The following AGBL4 variants were observed in gnomAD, a reference collection of about 807,000 sequenced individuals.
AGBL4 encodes cytosolic carboxypeptidase 6.
AGBL4 carries 58 observed loss-of-function variants against 66.4 expected under a neutral mutation model. The ratio of observed to expected loss-of-function variants is 0.87; its 90% CI spans 0.71 to 1.09. AGBL4 has a LOEUF of 1.09. Ranked by LOEUF, AGBL4 falls within the 50% of genes least tolerant of loss-of-function variation. The probability of loss-of-function intolerance (pLI) is 0.00; values close to 1 mark genes in which losing one functional copy is unlikely to be tolerated. For synonymous variants in AGBL4, 234 were observed against 222.9 expected (o/e 1.05, Z -0.44); for missense variants, 579 against 631.0 (o/e 0.92, Z 0.88).
chr1:48,960,857 A>G (rs745874583), intron 5 of AGBL4, among the ~76,000 whole-genome samples: 7 of 152,240 alleles, frequency 4.6e-5, no homozygotes, highest in Non-Finnish European at 7.3e-5. Context: ...GCTATGGGTC[A>G]TATATAAAAT....
chr1:48,733,568 CAG>C (rs1460646038), intron 6 of AGBL4, among the ~76,000 whole-genome samples: 1 of 152,186 alleles, frequency 6.6e-6, no homozygotes, highest in East Asian at 1.9e-4. Context: ...CACAACTTGG[CAG>C]ATGATGCTGA....
chr1:48,792,651 G>A (rs1332432496), intron 6 of AGBL4, among the ~76,000 whole-genome samples: 3 of 152,182 alleles, frequency 2.0e-5, no homozygotes, highest in Non-Finnish European at 4.4e-5. Flanking sequence ...TTTCTAAAAA[G>A]GATAGTTGGA....
chr1:49,220,243 T>G (rs1167730275), intron 4 of AGBL4, among the ~76,000 whole-genome samples: 1 of 152,164 alleles, frequency 6.6e-6, no homozygotes, highest in East Asian at 1.9e-4. Flanking sequence ...CCCTGTTGCT[T>G]TTGCAGGTCA....
At chr1:48,907,910 G>T (rs936305971) in intron 5 of AGBL4, among the ~76,000 whole-genome samples, 9 of 152,126 alleles carry the variant, frequency 5.9e-5, no homozygotes, top group Non-Finnish European at 1.2e-4. Context: ...CCAAGAAAAG[G>T]AGGGTAAAGA....
At chr1:48,672,656 C>T (rs185509481) in intron 6 of AGBL4, among the ~76,000 whole-genome samples, 45 of 152,308 alleles carry the variant, frequency 3.0e-4, no homozygotes, top group Non-Finnish European at 3.1e-4. Context: ...CCGCTCTCAA[C>T]CTGTTTTCCA....
intron 8 of AGBL4, among the ~76,000 whole-genome samples, chr1:48,638,974 G>A (rs1300572076): frequency 6.6e-6 from 1 of 152,064 alleles, no homozygotes; most frequent in Non-Finnish European, 1.5e-5. Context: ...TACTCTAAAG[G>A]GCCCAGACTA....
At chr1:48,614,479 T>C (rs1454260293) in intron 9 of AGBL4, among the ~76,000 whole-genome samples, 1 of 152,236 alleles carries the variant, frequency 6.6e-6, no homozygotes, top group Non-Finnish European at 1.5e-5. Flanking sequence ...ATCATAGGAA[T>C]ACATCAAAGT....
At chr1:49,150,534 C>T (rs530714221) in intron 4 of AGBL4, among the ~76,000 whole-genome samples, 14 of 152,272 alleles carry the variant, frequency 9.2e-5, no homozygotes, top group South Asian at 8.3e-4. Context: ...GTGTACTTTT[C>T]ACTACTTTCA....
At chr1:48,618,176 C>G (rs1457115235) in intron 9 of AGBL4, among the ~76,000 whole-genome samples, 1 of 152,114 alleles carries the variant, frequency 6.6e-6, no homozygotes, top group East Asian at 1.9e-4. Flanking sequence ...TGAGACCAGC[C>G]CAGGCAAGAT....
At chr1:49,261,729 A>C (rs1286195829) in intron 3 of AGBL4, among the ~76,000 whole-genome samples, 1 of 149,338 alleles carries the variant, frequency 6.7e-6, no homozygotes, top group African/African-American at 2.5e-5. Context: ...AAATGGCCAT[A>C]CTGCCCAAGG....
intron 11 of AGBL4, among the ~76,000 whole-genome samples, chr1:48,581,380 C>T (rs1644737735): frequency 6.6e-6 from 1 of 152,138 alleles, no homozygotes; most frequent in African/African-American, 2.4e-5. Flanking sequence ...TCATTGTGTC[C>T]ACAGCTACAA....
intron 3 of AGBL4, among the ~76,000 whole-genome samples, chr1:49,461,365 C>A (rs1646507314): frequency 1.3e-5 from 2 of 150,944 alleles, no homozygotes; most frequent in Non-Finnish European, 3.0e-5. Flanking sequence ...TGAAGTTTTT[C>A]TTCTGCTTGT....
chr1:48,894,907 T>C (rs1326052133), intron 5 of AGBL4, among the ~76,000 whole-genome samples: 1 of 152,198 alleles, frequency 6.6e-6, no homozygotes, highest in Non-Finnish European at 1.5e-5. Flanking sequence ...ACAGCATCTT[T>C]AGTTTGAATT....
chr1:49,757,923 T>C (rs943090746), intron 2 of AGBL4, among the ~76,000 whole-genome samples: 7 of 152,144 alleles, frequency 4.6e-5, no homozygotes, highest in African/African-American at 1.2e-4. Flanking sequence ...GATAAGACTA[T>C]GGGGAAAACG....
At chr1:48,822,374 C>T (rs1646335421) in intron 6 of AGBL4, among the ~76,000 whole-genome samples, 1 of 152,156 alleles carries the variant, frequency 6.6e-6, no homozygotes, top group Admixed American at 6.5e-5. Context: ...ATACATGCAA[C>T]AATCTGGATG....
At chr1:49,559,280 T>C (rs1433124026) in intron 3 of AGBL4, among the ~76,000 whole-genome samples, 2 of 152,146 alleles carry the variant, frequency 1.3e-5, no homozygotes, top group African/African-American at 4.8e-5. Context: ...AATCTCTCCC[T>C]AGTAATCCAG....
In AGBL4 at chr1:48,736,265, G is replaced by T; in HGVS notation, c.635-73024C>A. ...TCTGACGATGCTTAGTTTGTGAGGC[G>T]AGAGGGGTGGTTTAGGGACTGCATC... On this transcript the variant is annotated intron_variant, in intron 6 of 13. Coordinates refer to ENST00000371839, the MANE Select transcript of AGBL4 (RefSeq NM_032785.4). The surrounding 1 kb of genome is among the most constrained non-coding windows in gnomAD (Gnocchi z 4.0). 1 of 1,614,190 alleles carries T rather than the reference G, an allele frequency of 6.2e-7. No homozygotes were observed. The highest frequency in any genetic ancestry group is 8.5e-7 in the Non-Finnish European group (1 of 1,180,012).
chr1:48,553,180 C>T (rs999193922), intron 11 of AGBL4, among the ~76,000 whole-genome samples: 2 of 152,192 alleles, frequency 1.3e-5, no homozygotes, highest in East Asian at 3.9e-4. Flanking sequence ...GACAGTTGAC[C>T]GTGGCTCTGA....
chr1:49,921,800 T>G (rs1216499875), intron 1 of AGBL4, among the ~76,000 whole-genome samples: 1 of 152,200 alleles, frequency 6.6e-6, no homozygotes, highest in Non-Finnish European at 1.5e-5. Context: ...CCCACCTTAT[T>G]CTGCCTACTT....
Sources: allele counts gnomAD v4.1 joint callset (sites outside exome capture counted in the v4.1 genomes callset), GRCh38; gene constraint gnomAD v4.1.1; non-coding constraint Gnocchi (gnomAD v3.1); transcripts MANE v1.5; gene names NCBI Gene and HGNC (gene_info 2026-07-23, HGNC 2026-07-21).